The following CCDC192 variants were observed in gnomAD, a reference collection of about 807,000 sequenced individuals.
CCDC192 encodes the protein coiled-coil domain containing 192.
At chr5:127,807,958 G>A (rs191793859) in intron 5 of CCDC192, among the ~76,000 whole-genome samples, 7 of 151,982 alleles carry the variant, frequency 4.6e-5, no homozygotes, top group African/African-American at 7.3e-5. Context: ...TGTTCATGAC[G>A]TACTGTGGGA....
At position 127,761,584 on chromosome 5, in the gene CCDC192, G is replaced by A. The variant is rs533944209; in HGVS notation, c.222+7209G>A. Among the ~76,000 whole-genome samples the A allele has an allele frequency of 8.4e-4, 128 of 152,172 alleles. 1 individual carries two copies. The highest frequency in any genetic ancestry group is 1.0e-4 in the Non-Finnish European group (7 of 68,000). ...TTGGAGTGTGTGTGTTATTCCTGTT[G>A]TTTTTGATATGAAACAATAAAACCT... On this transcript the variant is annotated intron_variant, in intron 3 of 6. Transcript: ENST00000514853.
intron 3 of CCDC192, among the ~76,000 whole-genome samples, chr5:127,762,603 C>T (rs1754993320): frequency 6.6e-6 from 1 of 152,120 alleles, no homozygotes; most frequent in South Asian, 2.1e-4. Flanking sequence ...GGATTGTTGG[C>T]CTGTTACATA....
At chr5:127,759,330 G>A (rs892134021) in intron 3 of CCDC192, among the ~76,000 whole-genome samples, 1 of 152,214 alleles carries the variant, frequency 6.6e-6, no homozygotes, top group African/African-American at 2.4e-5. Flanking sequence ...ATGATAGTAT[G>A]TGGTGGTGGG....
Position 127,839,531 on chromosome 5 carries a change from G to A in CCDC192, c.412-36007G>A, listed in dbSNP as rs57950292. Among the ~76,000 whole-genome samples, 1,416 of 152,124 alleles carry A rather than the reference G, an allele frequency of 9.3e-3. 19 individuals are homozygous for A. The highest frequency in any genetic ancestry group is 0.029 in the African/African-American group (1,194 of 41,526). On this transcript the variant is annotated intron_variant, in intron 5 of 6. Transcript: ENST00000514853. ...TTTCTATTTTTAAAGTTTTTATAAT[G>A]AATACAGGTCAACTTTTAAATCACA...
chr5:127,750,347 A>G (rs1215007737), intron 2 of CCDC192, among the ~76,000 whole-genome samples: 1 of 152,098 alleles, frequency 6.6e-6, no homozygotes, highest in Non-Finnish European at 1.5e-5. Flanking sequence ...GAACATCTTT[A>G]TTTCTGCCTT....
At chr5:127,893,292 C>T (rs1360603448) in intron 6 of CCDC192, among the ~76,000 whole-genome samples, 1 of 152,224 alleles carries the variant, frequency 6.6e-6, no homozygotes, top group Admixed American at 6.5e-5. Flanking sequence ...CTTACTATCT[C>T]TGAGCCTCAA....
intron 2 of CCDC192, among the ~76,000 whole-genome samples, chr5:127,752,883 C>T (rs931303297): frequency 9.2e-5 from 14 of 152,170 alleles, no homozygotes; most frequent in African/African-American, 3.4e-4. Flanking sequence ...TTTCCAGGTG[C>T]CGTTCGTCAC....
At chr5:127,763,439 C>A (rs1322319114) in intron 3 of CCDC192, among the ~76,000 whole-genome samples, 1 of 152,154 alleles carries the variant, frequency 6.6e-6, no homozygotes, top group Non-Finnish European at 1.5e-5. Context: ...CCATTTTTGT[C>A]CAGGCTACCT....
intron 6 of CCDC192, among the ~76,000 whole-genome samples, chr5:127,877,094 G>A (rs979008988): frequency 1.2e-4 from 18 of 152,142 alleles, no homozygotes; most frequent in Middle Eastern, 3.2e-3. Context: ...TCCCCAGCTC[G>A]CTTACGAGAA....
intron 6 of CCDC192, among the ~76,000 whole-genome samples, chr5:127,907,894 G>C (rs1161147634): frequency 6.6e-6 from 1 of 152,188 alleles, no homozygotes; most frequent in East Asian, 1.9e-4. Context: ...TGATAACCCA[G>C]AGCATTCTGC....
intron 6 of CCDC192, among the ~76,000 whole-genome samples, chr5:127,921,677 G>A (rs1160556472): frequency 2.0e-5 from 3 of 152,098 alleles, no homozygotes; most frequent in Non-Finnish European, 2.9e-5. Flanking sequence ...TGACACACAC[G>A]GAGGGGCTGA....
intron 3 of CCDC192, among the ~76,000 whole-genome samples, chr5:127,766,633 A>C (rs1286359656): frequency 8.1e-6 from 1 of 123,742 alleles, no homozygotes; most frequent in East Asian, 2.8e-4. Flanking sequence ...AAAAAAAAAA[A>C]AGTACGAACT....
At position 127,745,879 on chromosome 5, in the gene CCDC192, C is replaced by T. The variant is rs377460470; in HGVS notation, c.115-8389C>T. On this transcript the variant is annotated intron_variant, in intron 2 of 6. Coordinates refer to ENST00000514853, the MANE Select transcript of CCDC192 (RefSeq NM_001317938.2). ...ATTATGGAAGTCCTATCTTTCTGCC[C>T]TTCTGCCATTGCACCTTGCAAAACT... is the stretch of plus-strand genomic sequence containing the variant. Among the ~76,000 whole-genome samples, 7 of 152,198 alleles carry T rather than the reference C, an allele frequency of 4.6e-5. No homozygotes were observed. In the East Asian group the frequency reaches 7.7e-4, roughly 17 times the overall value.
intron 2 of CCDC192, among the ~76,000 whole-genome samples, chr5:127,719,718 G>T (rs1399897605): frequency 3.3e-5 from 5 of 150,888 alleles, no homozygotes; most frequent in Non-Finnish European, 4.4e-5. Context: ...ACTGGCTCAG[G>T]GTTCTGCTCA....
chr5:127,937,705 T>C (rs1403023270), intron 6 of CCDC192, among the ~76,000 whole-genome samples: 1 of 152,232 alleles, frequency 6.6e-6, no homozygotes, highest in Non-Finnish European at 1.5e-5. Flanking sequence ...TGTAATACTC[T>C]CTTCCAGAAG....
At chr5:127,775,963 T>C (rs1755833903) in intron 3 of CCDC192, among the ~76,000 whole-genome samples, 2 of 152,220 alleles carry the variant, frequency 1.3e-5, no homozygotes, top group Non-Finnish European at 2.9e-5. Flanking sequence ...ATGAAACCTC[T>C]TTTCTTCATA....
At chr5:127,783,936 C>T (rs1302902697) in intron 3 of CCDC192, among the ~76,000 whole-genome samples, 1 of 152,108 alleles carries the variant, frequency 6.6e-6, no homozygotes, top group Non-Finnish European at 1.5e-5. Context: ...CATTTTGTCT[C>T]ATATAAGAAT....
intron 6 of CCDC192, among the ~76,000 whole-genome samples, chr5:127,881,056 T>C (rs1350349669): frequency 6.6e-6 from 1 of 152,218 alleles, no homozygotes; most frequent in African/African-American, 2.4e-5. Context: ...GTATTTGTAC[T>C]TTAAAAGTCG....
chr5:127,811,075 A>G (rs1005899512), intron 5 of CCDC192, among the ~76,000 whole-genome samples: 1 of 152,126 alleles, frequency 6.6e-6, no homozygotes, highest in Non-Finnish European at 1.5e-5. Flanking sequence ...CTCTTTACAT[A>G]TAATTGCCTA....
Sources: gnomAD v4.1 joint callset for allele counts (sites outside exome capture counted in the v4.1 genomes callset) on GRCh38, gnomAD v4.1.1 for gene constraint, MANE v1.5 for transcripts, NCBI Gene and HGNC (gene_info 2026-07-23, HGNC 2026-07-21) for gene names.